The following ASIC2 variants were observed in gnomAD, a reference collection of about 807,000 sequenced individuals.
ASIC2 encodes acid sensing ion channel subunit 2.
ASIC2 carries 25 observed loss-of-function variants against 57.3 expected under a neutral mutation model. The observed-to-expected ratio is 0.44, with a 90% CI of 0.32 to 0.61. The LOEUF is 0.61. ASIC2 is among the 20% of genes least tolerant of loss of function. The pLI is 0.06. For missense variants in ASIC2, 641 were observed against 738.1 expected, an observed-to-expected ratio of 0.87 and a Z score of 1.52; for synonymous variants, 319 against 307.5, an observed-to-expected ratio of 1.04 and a Z score of -0.39.
intron 1 of ASIC2, among the ~76,000 whole-genome samples, chr17:33,414,183 T>C (rs539949242): frequency 1.3e-5 from 2 of 152,130 alleles, no homozygotes; most frequent in Non-Finnish European, 2.9e-5. Flanking sequence ...AGTGCATACA[T>C]TGGAGGCAGG....
intron 1 of ASIC2, among the ~76,000 whole-genome samples, chr17:33,453,888 C>CT (rs1912356810): frequency 6.6e-6 from 1 of 152,198 alleles, no homozygotes; most frequent in South Asian, 2.1e-4. Flanking sequence ...ACAGTGTATG[C>CT]TTTTTTTGGT....
intron 1 of ASIC2, among the ~76,000 whole-genome samples, chr17:33,415,912 C>A (rs938909338): frequency 2.6e-5 from 4 of 152,192 alleles, no homozygotes; most frequent in Admixed American, 2.6e-4. Context: ...CCTGTGTGGG[C>A]CTGGCGGAGG....
chr17:33,983,361 A>G (rs1905694786), intron 1 of ASIC2, among the ~76,000 whole-genome samples: 1 of 152,192 alleles, frequency 6.6e-6, no homozygotes, highest in Admixed American at 6.5e-5. Context: ...GTCTTTAAAA[A>G]TATAATAATA....
At chr17:33,444,233 G>A (rs72821182) in intron 1 of ASIC2, among the ~76,000 whole-genome samples, 52,964 of 152,024 alleles carry the variant, frequency 0.35, 9,305 homozygotes, top group Middle Eastern at 0.44. Flanking sequence ...AAGTTCTCTC[G>A]GTCTTTTAAA....
intron 1 of ASIC2, among the ~76,000 whole-genome samples, chr17:33,473,835 A>C (rs760071624): frequency 6.6e-6 from 1 of 151,788 alleles, no homozygotes; most frequent in Non-Finnish European, 1.5e-5. Context: ...TCTTTGCTCC[A>C]AAGATCCCAA....
intron 2 of ASIC2, among the ~76,000 whole-genome samples, chr17:33,091,205 G>A (rs888876204): frequency 2.0e-5 from 3 of 152,214 alleles, no homozygotes; most frequent in Non-Finnish European, 4.4e-5. Context: ...AGGGAGGACT[G>A]GATGGAATGA....
intron 1 of ASIC2, among the ~76,000 whole-genome samples, chr17:33,878,211 C>G (rs1448027586): frequency 1.3e-5 from 2 of 152,202 alleles, no homozygotes; most frequent in Non-Finnish European, 2.9e-5. Flanking sequence ...CTCTCCTCCT[C>G]CAAAGGAACA....
At chr17:33,076,483 CTT>C (rs2092089545) in intron 3 of ASIC2, among the ~76,000 whole-genome samples, 2 of 152,358 alleles carry the variant, frequency 1.3e-5, no homozygotes, top group African/African-American at 4.8e-5. Flanking sequence ...TAAATTCACA[CTT>C]ATAAATATGC....
intron 2 of ASIC2, among the ~76,000 whole-genome samples, chr17:33,094,121 T>C (rs8067602): frequency 0.038 from 5,729 of 152,220 alleles, 187 homozygotes; most frequent in African/African-American, 0.078. Context: ...TCCACCCTGC[T>C]CTCTGTGCTA....
At chr17:34,110,103 T>C (rs1193523826) in intron 1 of ASIC2, among the ~76,000 whole-genome samples, 1 of 151,972 alleles carries the variant, frequency 6.6e-6, no homozygotes, top group Non-Finnish European at 1.5e-5. Context: ...ATGTACCCCT[T>C]CCCTCCAATC....
intron 1 of ASIC2, among the ~76,000 whole-genome samples, chr17:33,848,759 G>A (rs1913683243): frequency 1.3e-5 from 2 of 152,156 alleles, no homozygotes; most frequent in Admixed American, 1.3e-4. Flanking sequence ...CACTCCAGGG[G>A]CTGACGGTGT....
At chr17:33,135,730 G>A (rs1278325143) in intron 1 of ASIC2, among the ~76,000 whole-genome samples, 1 of 152,214 alleles carries the variant, frequency 6.6e-6, no homozygotes, top group Non-Finnish European at 1.5e-5. Flanking sequence ...GGAGAGGCAA[G>A]GGGGGCTGGC....
chr17:33,962,788 G>C (rs192781495), intron 1 of ASIC2, among the ~76,000 whole-genome samples: 3 of 152,242 alleles, frequency 2.0e-5, no homozygotes, highest in Admixed American at 2.0e-4. Flanking sequence ...CACAGATGGG[G>C]GCCAAAGAGG....
chr17:33,559,194 C>T (rs1915998633), intron 1 of ASIC2, among the ~76,000 whole-genome samples: 1 of 152,120 alleles, frequency 6.6e-6, no homozygotes, highest in Non-Finnish European at 1.5e-5. Context: ...ATTTTTGCTC[C>T]ACTCTCAACC....
intron 1 of ASIC2, among the ~76,000 whole-genome samples, chr17:33,788,297 G>A (rs920504826): frequency 2.0e-5 from 3 of 151,924 alleles, no homozygotes; most frequent in African/African-American, 7.3e-5. Flanking sequence ...CAACAAACAT[G>A]AAAAAAAGCT....
At chr17:33,939,285 T>A (rs759972495) in intron 1 of ASIC2, among the ~76,000 whole-genome samples, 2 of 152,238 alleles carry the variant, frequency 1.3e-5, no homozygotes, top group Non-Finnish European at 2.9e-5. Flanking sequence ...CCCTGTGCAG[T>A]AGAGAAAACG....
chr17:33,395,424 G>C (rs141028476), intron 1 of ASIC2, among the ~76,000 whole-genome samples: 1 of 152,272 alleles, frequency 6.6e-6, no homozygotes, highest in East Asian at 1.9e-4. Context: ...TCTTGTGCAG[G>C]AAAACTCCCC....
intron 1 of ASIC2, among the ~76,000 whole-genome samples, chr17:33,579,275 A>G (rs935483696): frequency 7.6e-6 from 1 of 131,970 alleles, no homozygotes; most frequent in Non-Finnish European, 1.5e-5. Context: ...AGCACGAATG[A>G]AACTGTGTCT....
intron 1 of ASIC2, among the ~76,000 whole-genome samples, chr17:34,154,399 T>C (rs1904636553): frequency 6.6e-6 from 1 of 152,184 alleles, no homozygotes; most frequent in African/African-American, 2.4e-5. Flanking sequence ...TCAGACTGGC[T>C]TCCTCTTTAG....
Sources: gnomAD v4.1 joint callset for allele counts (sites outside exome capture counted in the v4.1 genomes callset) on GRCh38, gnomAD v4.1.1 for gene constraint, MANE v1.5 for transcripts, NCBI Gene and HGNC (gene_info 2026-07-23, HGNC 2026-07-21) for gene names.